Variants in ADGRL3 observed in about 807,000 individuals in gnomAD.
The protein encoded by ADGRL3 is calcium-independent alpha-latrotoxin receptor 3.
A neutral mutation model predicts 153.5 loss-of-function variants in ADGRL3; 62 were observed. That is an observed-to-expected ratio of 0.40 (90% confidence interval 0.33 to 0.50). The LOEUF is 0.50. Among genes scored for constraint, ADGRL3 ranks in the 20% least tolerant of loss-of-function variants. ADGRL3 has a pLI of 0.47. For missense variants in ADGRL3, 1,641 were observed against 1,859.4 expected, an observed-to-expected ratio of 0.88 and a Z score of 2.16; for synonymous variants, 710 against 672.5, an observed-to-expected ratio of 1.06 and a Z score of -0.86.
chr4:61,225,898 A>C (rs1020174134), intron 1 of ADGRL3, among the ~76,000 whole-genome samples: 1 of 152,200 alleles, frequency 6.6e-6, no homozygotes, highest in South Asian at 2.1e-4. Flanking sequence ...ATGAAAATCC[A>C]GTAATATTTC....
intron 21 of ADGRL3, among the ~76,000 whole-genome samples, chr4:62,019,176 T>C (rs538418548): frequency 6.6e-5 from 10 of 152,154 alleles, no homozygotes; most frequent in Admixed American, 5.2e-4. Context: ...AAATCCTTTA[T>C]ATATATATAA....
At chr4:61,986,075 A>G (rs2099084623) in intron 19 of ADGRL3, among the ~76,000 whole-genome samples, 2 of 151,608 alleles carry the variant, frequency 1.3e-5, no homozygotes, top group African/African-American at 2.4e-5. Flanking sequence ...TGTTTTTAGG[A>G]TGTTTGTGGT....
chr4:61,237,311 A>G (rs768374249), intron 1 of ADGRL3, among the ~76,000 whole-genome samples: 34 of 152,162 alleles, frequency 2.2e-4, no homozygotes, highest in Non-Finnish European at 3.2e-4. Flanking sequence ...CATAAGTGAC[A>G]ATTTTTAGTG....
intron 9 of ADGRL3, among the ~76,000 whole-genome samples, chr4:61,833,203 A>C (rs2097893441): frequency 6.6e-6 from 1 of 152,142 alleles, no homozygotes; most frequent in Admixed American, 6.6e-5. Flanking sequence ...GCTGCATGGA[A>C]ATTTTATATA....
chr4:61,256,171 T>G (rs981563355), intron 1 of ADGRL3, among the ~76,000 whole-genome samples: 2 of 152,200 alleles, frequency 1.3e-5, no homozygotes, highest in African/African-American at 4.8e-5. Context: ...TGATAAGTTT[T>G]TCTTCTGTTC....
chr4:61,423,676 G>GGTCAT (rs2097239224), intron 2 of ADGRL3, among the ~76,000 whole-genome samples: 1 of 152,124 alleles, frequency 6.6e-6, no homozygotes, highest in Non-Finnish European at 1.5e-5. Flanking sequence ...GTAAGAGCTG[G>GGTCAT]GATTAGTAGG....
intron 2 of ADGRL3, among the ~76,000 whole-genome samples, chr4:61,437,839 C>A (rs1374265988): frequency 6.6e-6 from 1 of 152,030 alleles, no homozygotes; most frequent in African/African-American, 2.4e-5. Context: ...TTCTGCTCGT[C>A]CTCCTCCCTC....
intron 17 of ADGRL3, among the ~76,000 whole-genome samples, chr4:61,956,361 T>C (rs1226247336): frequency 6.6e-6 from 1 of 152,050 alleles, no homozygotes; most frequent in African/African-American, 2.4e-5. Context: ...CTGTTCATAT[T>C]TACCCACTTT....
At chr4:61,687,005 C>A (rs367873311) in intron 6 of ADGRL3, among the ~76,000 whole-genome samples, 1 of 151,910 alleles carries the variant, frequency 6.6e-6, no homozygotes, top group Non-Finnish European at 1.5e-5. Context: ...TTTAACATGA[C>A]ACCTCATTAA....
chr4:61,924,963 C>A (rs902422106), intron 13 of ADGRL3, among the ~76,000 whole-genome samples: 2 of 152,052 alleles, frequency 1.3e-5, no homozygotes, highest in Non-Finnish European at 2.9e-5. Flanking sequence ...TTTTTCTCTG[C>A]TTTGTTAAGA....
chr4:61,544,405 A>C (rs1197336437), intron 4 of ADGRL3, among the ~76,000 whole-genome samples: 1 of 151,884 alleles, frequency 6.6e-6, no homozygotes, highest in African/African-American at 2.4e-5. Flanking sequence ...GTCTTTACCT[A>C]TTTTTCTCTT....
intron 1 of ADGRL3, among the ~76,000 whole-genome samples, chr4:61,326,967 G>T (rs2095478035): frequency 6.6e-6 from 1 of 151,684 alleles, no homozygotes; most frequent in South Asian, 2.1e-4. Flanking sequence ...TTTGATATAG[G>T]GTTATGTGAA....
intron 2 of ADGRL3, among the ~76,000 whole-genome samples, chr4:61,417,915 T>G (rs1028701461): frequency 1.3e-5 from 2 of 152,138 alleles, no homozygotes; most frequent in East Asian, 3.9e-4. Flanking sequence ...TTGTTGCATT[T>G]TTTAGAAAAT....
At chr4:61,336,760 C>A (rs778007437) in intron 1 of ADGRL3, among the ~76,000 whole-genome samples, 3 of 151,736 alleles carry the variant, frequency 2.0e-5, no homozygotes, top group Non-Finnish European at 4.4e-5. Flanking sequence ...CACTCCATTA[C>A]GACTGGGTTT....
chr4:61,338,976 TC>T (rs1211852479), intron 1 of ADGRL3, among the ~76,000 whole-genome samples: 2 of 152,170 alleles, frequency 1.3e-5, no homozygotes, highest in African/African-American at 4.8e-5. Context: ...TGAAAAGTAA[TC>T]CTTATCTATC....
intron 1 of ADGRL3, among the ~76,000 whole-genome samples, chr4:61,286,564 T>C (rs986147597): frequency 1.3e-5 from 2 of 151,772 alleles, no homozygotes; most frequent in African/African-American, 4.8e-5. Context: ...ATAGTACCTA[T>C]ATAACTGAAG....
chr4:61,988,748 TG>T (rs1560472904), intron 19 of ADGRL3, among the ~76,000 whole-genome samples: 3 of 152,058 alleles, frequency 2.0e-5, no homozygotes, highest in Non-Finnish European at 4.4e-5. Flanking sequence ...GAATTAGAAG[TG>T]GGTACCAGGA....
chr4:61,984,987 A>C (rs1262807569), intron 19 of ADGRL3, among the ~76,000 whole-genome samples: 1 of 152,146 alleles, frequency 6.6e-6, no homozygotes, highest in East Asian at 1.9e-4. Flanking sequence ...TAATAGGAGG[A>C]GATTCATAGA....
intron 5 of ADGRL3, among the ~76,000 whole-genome samples, chr4:61,612,642 A>G (rs1486042894): frequency 1.3e-5 from 2 of 152,204 alleles, no homozygotes; most frequent in African/African-American, 2.4e-5. Context: ...CTAAAATGCA[A>G]AAATCACTCC....
Sources: allele counts gnomAD v4.1 joint callset (sites outside exome capture counted in the v4.1 genomes callset), GRCh38; gene constraint gnomAD v4.1.1; transcripts MANE v1.5; gene names NCBI Gene and HGNC (gene_info 2026-07-23, HGNC 2026-07-21).